The following PRELID2 variants were observed in gnomAD, a reference collection of about 807,000 sequenced individuals.
PRELID2 encodes the protein PRELI domain containing 2, also known as PRELI domain-containing protein 2.
In PRELID2, 25 loss-of-function variants were observed where a neutral mutation model predicts 28.4. The ratio of observed to expected loss-of-function variants is 0.88; its 90% CI spans 0.64 to 1.23. PRELID2 has a LOEUF of 1.23. Among genes scored for constraint, PRELID2 ranks in the 50% most tolerant of loss-of-function variants. PRELID2 has a pLI of 0.00. For synonymous variants in PRELID2, 76 were observed against 71.6 expected (o/e 1.06, Z -0.31); for missense variants, 201 against 214.4 (o/e 0.94, Z 0.39).
Position 145,758,940 on chromosome 5 carries a change from A to T in PRELID2, c.*1596T>A, listed in dbSNP as rs1757344816. On this transcript the variant is annotated 3_prime_UTR_variant, in exon 7 of 7. Transcript: ENST00000683046. Reference sequence around the variant, plus strand: ...ATTCATCAATGGATTAAGTGGAAAAATTTTCAGACATTTTAAAAAAAAATT... The same window carrying T: ...ATTCATCAATGGATTAAGTGGAAAATTTTTCAGACATTTTAAAAAAAAATT... 1 of 150,690 alleles carries T rather than the reference A, an allele frequency of 6.6e-6. No homozygotes were observed. The highest frequency in any genetic ancestry group is 1.5e-5 in the Non-Finnish European group (1 of 67,782). The allele number at this position is 150,690 out of a possible 1,614,324, so 9.3% of individuals were successfully genotyped here. A position where few individuals can be genotyped will look rare whatever the true frequency, so the allele number is the denominator to read the frequency against.
intron 5 of PRELID2, among the ~76,000 whole-genome samples, chr5:145,789,659 A>C (rs1015946259): frequency 1.3e-5 from 2 of 152,242 alleles, no homozygotes; most frequent in Non-Finnish European, 2.9e-5. Context: ...ATCAAACTAA[A>C]CAGCTTATGC....
In PRELID2 at chr5:145,555,676, A is replaced by T. The variant is rs142963954; in HGVS notation, n.71-82361T>A. Among the ~76,000 whole-genome samples the T allele has an allele frequency of 5.1e-3, 779 of 152,290 alleles. 8 individuals are homozygous for T. Among genetic ancestry groups the T allele is most frequent in the African/African-American group, 0.018 (734 of 41,578 alleles). On this transcript the variant is annotated intron_variant and non_coding_transcript_variant, in intron 1 of 2. Coordinates refer to the PRELID2 transcript ENST00000510259. The stretch of plus-strand genomic sequence containing the variant: ...TTGGTGATGAATGCTGAAGCTGATC[A>T]ATTAGGAATAGATTTTTGGTTAGTG...
At chr5:145,553,568 A>G (rs1357739358) in intron 1 of PRELID2, among the ~76,000 whole-genome samples, 1 of 152,230 alleles carries the variant, frequency 6.6e-6, no homozygotes, top group African/African-American at 2.4e-5. Context: ...CAATTAAAGT[A>G]CCCATCACTC....
chr5:145,358,954 C>G, the PRELID2 span, among the ~76,000 whole-genome samples: 9 of 152,288 alleles, frequency 5.9e-5, no homozygotes, highest in African/African-American at 1.4e-4. Flanking sequence ...GTCATCCACT[C>G]AATCCAAGCA....
At chr5:145,606,067 T>C (rs2149641458) in intron 1 of PRELID2, among the ~76,000 whole-genome samples, 1 of 152,212 alleles carries the variant, frequency 6.6e-6, no homozygotes, top group South Asian at 2.1e-4. Flanking sequence ...GGCCCTCAGC[T>C]TGGACATTGT....
intron 4 of PRELID2, among the ~76,000 whole-genome samples, chr5:145,803,124 C>T (rs1466083852): frequency 1.3e-5 from 2 of 152,108 alleles, no homozygotes; most frequent in African/African-American, 4.8e-5. Flanking sequence ...TAGCATTCTC[C>T]TGTAAGCACA....
chr5:145,776,741 T>C (rs988270070), intron 5 of PRELID2, among the ~76,000 whole-genome samples: 4 of 152,216 alleles, frequency 2.6e-5, no homozygotes, highest in African/African-American at 7.2e-5. Context: ...GTAATAATGT[T>C]GATACTTCTT....
intron 1 of PRELID2, among the ~76,000 whole-genome samples, chr5:145,620,780 G>A (rs545118932): frequency 6.6e-6 from 1 of 151,878 alleles, no homozygotes; most frequent in South Asian, 2.1e-4. Flanking sequence ...CGAGGCTACA[G>A]TGAGCCATGG....
chr5:145,609,309 G>T (rs1485527737), intron 1 of PRELID2, among the ~76,000 whole-genome samples: 1 of 152,206 alleles, frequency 6.6e-6, no homozygotes, highest in East Asian at 1.9e-4. Context: ...GGGGACTAGT[G>T]TGGTTGTTTG....
At chr5:145,309,070 T>G in the PRELID2 span, among the ~76,000 whole-genome samples, 3 of 146,148 alleles carry the variant, frequency 2.1e-5, no homozygotes, top group African/African-American at 7.9e-5. Flanking sequence ...TTTGACACAT[T>G]AAAATATCTT....
chr5:145,466,135 T>C, the PRELID2 span, among the ~76,000 whole-genome samples: 5 of 152,102 alleles, frequency 3.3e-5, no homozygotes, highest in Non-Finnish European at 5.9e-5. Flanking sequence ...CCTTGGAAGC[T>C]GAACAGTTTA....
intron 1 of PRELID2, among the ~76,000 whole-genome samples, chr5:145,678,860 C>T (rs1205477552): frequency 6.6e-6 from 1 of 152,072 alleles, no homozygotes; most frequent in Non-Finnish European, 1.5e-5. Flanking sequence ...GTAATCTTTT[C>T]TGTTTAATTG....
At chr5:145,463,864 T>C in the PRELID2 span, among the ~76,000 whole-genome samples, 1 of 152,198 alleles carries the variant, frequency 6.6e-6, no homozygotes, top group Non-Finnish European at 1.5e-5. Flanking sequence ...GACGTAATAC[T>C]CTAAGCCTGA....
At chr5:145,622,531 C>T (rs775850166) in intron 1 of PRELID2, among the ~76,000 whole-genome samples, 2 of 151,944 alleles carry the variant, frequency 1.3e-5, no homozygotes, top group East Asian at 1.9e-4. Flanking sequence ...CAATTATATG[C>T]CTGTGAGATA....
At chr5:145,498,402 G>A (rs1752325948) in intron 1 of PRELID2, among the ~76,000 whole-genome samples, 1 of 152,096 alleles carries the variant, frequency 6.6e-6, no homozygotes, top group Non-Finnish European at 1.5e-5. Context: ...GCGTGCATCT[G>A]CAGTCCCAGC....
At chr5:145,260,988 G>C in the PRELID2 span, among the ~76,000 whole-genome samples, 1 of 152,160 alleles carries the variant, frequency 6.6e-6, no homozygotes. Flanking sequence ...TGGTGGGAGT[G>C]AGATGCCTTG....
At position 145,756,516 on chromosome 5, in the gene PRELID2, C is replaced by T. The variant is rs1269534878; in HGVS notation, c.*4020G>A. 6.6e-6 allele frequency among the ~76,000 whole-genome samples: 1 copy of T among 152,134 alleles called. No homozygotes were observed. The highest frequency in any genetic ancestry group is 2.4e-5 in the African/African-American group (1 of 41,434). ...TCCTCTTAAGTTTCACATTATAGAA[C>T]TGAATACACAAAAACACTAACACAG... On this transcript the variant is annotated 3_prime_UTR_variant, in exon 7 of 7. Transcript: ENST00000683046.
At chr5:145,741,215 A>G (rs1195070463) in intron 1 of PRELID2, among the ~76,000 whole-genome samples, 1 of 28,932 alleles carries the variant, frequency 3.5e-5, no homozygotes, top group African/African-American at 1.0e-4. Flanking sequence ...AAATATATAT[A>G]AAATATATAT....
intron 1 of PRELID2, among the ~76,000 whole-genome samples, chr5:145,594,689 AT>A (rs2149633382): frequency 6.6e-6 from 1 of 152,356 alleles, no homozygotes; most frequent in East Asian, 1.9e-4. Context: ...GTTAAAACTT[AT>A]AAAAAACATA....
Sources: allele counts gnomAD v4.1 joint callset (sites outside exome capture counted in the v4.1 genomes callset), GRCh38; gene constraint gnomAD v4.1.1; transcripts MANE v1.5; gene names NCBI Gene and HGNC (gene_info 2026-07-23, HGNC 2026-07-21).